The following NCEH1 variants were observed in gnomAD, a reference collection of about 807,000 sequenced individuals.
NCEH1 encodes 2-acetyl MAGE hydrolase.
NCEH1 carries 9 observed loss-of-function variants against 25.4 expected under a neutral mutation model. The ratio of observed to expected loss-of-function variants is 0.35; its 90% CI spans 0.21 to 0.62. The LOEUF (loss-of-function observed/expected upper bound fraction) is 0.62. NCEH1 is among the 20% of genes least tolerant of loss of function. The probability of loss-of-function intolerance (pLI) is 0.72; values close to 1 mark genes in which losing one functional copy is unlikely to be tolerated. For synonymous variants in NCEH1, 200 were observed against 199.8 expected, an observed-to-expected ratio of 1.00 and a Z score of -0.01; for missense variants, 412 against 501.1, an observed-to-expected ratio of 0.82 and a Z score of 1.70.
chr3:172,645,359 T>TTC (rs1394159351), intron 3 of NCEH1, among the ~76,000 whole-genome samples: 1 of 152,198 alleles, frequency 6.6e-6, no homozygotes, highest in East Asian at 1.9e-4. Context: ...GATTGCATAC[T>TTC]TCTCTAGGTT....
rs150771613 is a variant in NCEH1 at position 172,634,054 on chromosome 3, T to C, written c.648A>G (p.Leu216=). The part of the protein sequence containing the change: ...QDASLKNKLK[L]QALIYPVLQA... Reference sequence around the variant, plus strand: ...GAAGAACTGGATAAATTAAAGCTTGTAGTTTGAGCTTATTTTTTAGGCTGG... The same window carrying C: ...GAAGAACTGGATAAATTAAAGCTTGCAGTTTGAGCTTATTTTTTAGGCTGG... The change falls in exon 5 of 5, where the codon CTA becomes CTG. Residue 216 remains leucine, a synonymous_variant. Coordinates refer to ENST00000475381, the MANE Select transcript of NCEH1 (RefSeq NM_020792.6). 217 of 1,613,670 alleles carry C rather than the reference T, an allele frequency of 1.3e-4. No homozygotes were observed. Among genetic ancestry groups the C allele is most frequent in the Admixed American group, 3.3e-5 (2 of 59,908 alleles).
intron 1 of NCEH1, among the ~76,000 whole-genome samples, chr3:172,659,948 G>T (rs1314466116): frequency 1.3e-5 from 2 of 151,460 alleles, no homozygotes; most frequent in African/African-American, 4.9e-5. Context: ...TCTTGGTAAG[G>T]CTTTTTCTTT....
intron 1 of NCEH1, among the ~76,000 whole-genome samples, chr3:172,652,198 T>A (rs1451458680): frequency 6.6e-6 from 1 of 152,204 alleles, no homozygotes; most frequent in African/African-American, 2.4e-5. Flanking sequence ...AGGCTCCAGC[T>A]GGTGAGGGAA....
intron 1 of NCEH1, among the ~76,000 whole-genome samples, chr3:172,650,811 C>CAAAAAAAAAAAAAAAAAAAAAAAAAAA (rs1717362772): frequency 1.1e-5 from 1 of 89,984 alleles, no homozygotes. Context: ...GACTCTGCCT[C>CAAAAAAAAAAAAAAAAAAAAAAAAAAA]GAAAAAAAAA....
chr3:172,638,687 T>C (rs933250049), intron 3 of NCEH1, among the ~76,000 whole-genome samples: 1 of 152,190 alleles, frequency 6.6e-6, no homozygotes, highest in African/African-American at 2.4e-5. Context: ...CACAATAAAC[T>C]GTTTTCCTGG....
intron 3 of NCEH1, among the ~76,000 whole-genome samples, chr3:172,641,367 G>A (rs1716844740): frequency 6.6e-6 from 1 of 152,204 alleles, no homozygotes; most frequent in Non-Finnish European, 1.5e-5. Flanking sequence ...TCACCTATCA[G>A]TCATTTGGTC....
chr3:172,644,518 G>C (rs1038066719), intron 3 of NCEH1, among the ~76,000 whole-genome samples: 1 of 152,186 alleles, frequency 6.6e-6, no homozygotes, highest in African/African-American at 2.4e-5. Flanking sequence ...CTTGAAACTG[G>C]ATCAAAAAGG....
At chr3:172,656,363 G>A (rs989240070) in intron 1 of NCEH1, among the ~76,000 whole-genome samples, 1 of 152,146 alleles carries the variant, frequency 6.6e-6, no homozygotes. Context: ...ATGGAAGGGA[G>A]AATTCATAAC....
At chr3:172,678,282 C>G (rs1433168616) in intron 1 of NCEH1, among the ~76,000 whole-genome samples, 2 of 152,210 alleles carry the variant, frequency 1.3e-5, no homozygotes, top group Non-Finnish European at 2.9e-5. Flanking sequence ...AGGACAATTT[C>G]TACAGCCAGT....
intron 1 of NCEH1, among the ~76,000 whole-genome samples, chr3:172,657,024 C>A (rs1717729463): frequency 6.6e-6 from 1 of 152,114 alleles, no homozygotes; most frequent in African/African-American, 2.4e-5. Flanking sequence ...CCACTCCCCC[C>A]ATTTTTATTT....
rs141307095 is a variant in NCEH1, at chr3:172,672,419, C to T, written c.139-24305G>A. Among the ~76,000 whole-genome samples, 1,245 of 152,240 alleles carry T rather than the reference C, an allele frequency of 8.2e-3. 12 individuals are homozygous for T. The highest frequency in any genetic ancestry group is 0.028 in the African/African-American group (1,182 of 41,526). On this transcript the variant is annotated intron_variant, in intron 1 of 4. Transcript: ENST00000475381. ...AGGCCTATGGAAAACCAGGGCCAAA[C>T]CTCTCAATTACTCTAAACTGTCTAT...
chr3:172,651,029 T>C (rs1358052609), intron 1 of NCEH1, among the ~76,000 whole-genome samples: 1 of 152,140 alleles, frequency 6.6e-6, no homozygotes, highest in Non-Finnish European at 1.5e-5. Flanking sequence ...AGTAACCTGT[T>C]GTTAATTACT....
At chr3:172,701,577 G>A (rs1424775000) in intron 1 of NCEH1, among the ~76,000 whole-genome samples, 4 of 148,088 alleles carry the variant, frequency 2.7e-5, no homozygotes, top group South Asian at 2.1e-4. Context: ...AGCCTCCCGA[G>A]TAGCTGGGAC....
intron 1 of NCEH1, among the ~76,000 whole-genome samples, chr3:172,698,137 C>T (rs1446899859): frequency 3.3e-5 from 5 of 152,038 alleles, no homozygotes; most frequent in African/African-American, 4.8e-5. Flanking sequence ...CCACCATGCC[C>T]GGCTAATTTT....
intron 1 of NCEH1, among the ~76,000 whole-genome samples, chr3:172,649,608 T>C (rs1442271870): frequency 1.3e-5 from 2 of 152,242 alleles, no homozygotes; most frequent in South Asian, 2.1e-4. Context: ...CTTTGGTAAA[T>C]TGGAAGAAGG....
Position 172,645,362 on chromosome 3 carries a change from T to G in NCEH1, c.437+261A>C, listed in dbSNP as rs76533887. On this transcript the variant is annotated intron_variant, in intron 3 of 4. Transcript: ENST00000475381. Reference sequence around the variant, plus strand: ...TTGCAGGTAACTGATTGCATACTTCTCTAGGTTTTTAGTTAATCCTTTTTT... The same window carrying G: ...TTGCAGGTAACTGATTGCATACTTCGCTAGGTTTTTAGTTAATCCTTTTTT... 7.0e-3 allele frequency among the ~76,000 whole-genome samples: 1,069 copies of G among 152,326 alleles called. 11 individuals carry two copies. Among genetic ancestry groups the G allele is most frequent in the African/African-American group, 0.024 (1,015 of 41,586 alleles).
Position 172,636,080 on chromosome 3 carries a change from G to A in NCEH1, c.445C>T (p.Leu149=), listed in dbSNP as rs1716586499. The change falls in exon 4 of 5, where the codon CTA becomes TTA. Residue 149 remains leucine (L), a synonymous_variant. Transcript: ENST00000475381. Reference sequence around the variant, plus strand: ...TCAGGAAAATAAACCTTTGGAACTAGCCTGTATCTGTAAAAACAAAAGTTG... The same window carrying A: ...TCAGGAAAATAAACCTTTGGAACTAACCTGTATCTGTAAAAACAAAAGTTG... ...NAVIVSIEYR[L]VPKVYFPEQI... The A allele has an allele frequency of 2.5e-6, 4 of 1,611,494 alleles. No individual in the cohort carries two copies. Among genetic ancestry groups the A allele is most frequent in the African/African-American group, 1.3e-5 (1 of 74,938 alleles).
At chr3:172,661,037 A>T (rs1303719389) in intron 1 of NCEH1, among the ~76,000 whole-genome samples, 1 of 152,156 alleles carries the variant, frequency 6.6e-6, no homozygotes, top group East Asian at 1.9e-4. Context: ...TTAGTCATGA[A>T]GCCCTTGCCC....
chr3:172,662,877 G>A (rs549533093), intron 1 of NCEH1, among the ~76,000 whole-genome samples: 95 of 149,888 alleles, frequency 6.3e-4, no homozygotes, highest in African/African-American at 2.1e-3. Flanking sequence ...TCTTGCTAGC[G>A]GTCTATCAAT....
Sources: allele counts gnomAD v4.1 joint callset (sites outside exome capture counted in the v4.1 genomes callset), GRCh38; gene constraint gnomAD v4.1.1; transcripts MANE v1.5; gene names NCBI Gene and HGNC (gene_info 2026-07-23, HGNC 2026-07-21).